CPSF3: variants seen among roughly 807,000 people sequenced by gnomAD.
CPSF3 encodes cleavage and polyadenylation specificity factor subunit 3.
CPSF3 carries 57 observed loss-of-function variants against 84.1 expected under a neutral mutation model. That is an observed-to-expected ratio of 0.68 (90% CI 0.55 to 0.85). CPSF3 has a LOEUF of 0.85. Among genes scored for constraint, CPSF3 ranks in the 40% least tolerant of loss-of-function variants. The pLI is 0.00. For missense variants in CPSF3, 522 were observed against 838.8 expected, an observed-to-expected ratio of 0.62 and a Z score of 4.66; for synonymous variants, 275 against 278.1, an observed-to-expected ratio of 0.99 and a Z score of 0.11.
chr2:9,455,098 G>T (rs1681476610), intron 12 of CPSF3, among the ~76,000 whole-genome samples: 1 of 151,770 alleles, frequency 6.6e-6, no homozygotes, highest in Non-Finnish European at 1.5e-5. Context: ...CAGCTCTGTG[G>T]CATCCAAGAA....
chr2:9,428,154 G>A (rs1477579246), intron 1 of CPSF3, among the ~76,000 whole-genome samples: 1 of 151,274 alleles, frequency 6.6e-6, no homozygotes, highest in Non-Finnish European at 1.5e-5. Context: ...CCGCCACCAC[G>A]CCTGGCTAAT....
Position 9,472,975 on chromosome 2 carries a change from G to C in CPSF3, c.2013G>C (p.Leu671=), listed in dbSNP as rs759646123. 1.2e-6 allele frequency: 2 copies of C among 1,613,970 alleles called. No homozygotes were observed. The highest frequency in any genetic ancestry group is 1.1e-5 in the South Asian group (1 of 91,062). The stretch of plus-strand genomic sequence containing the variant: ...AATCCCTCCGAGAAATGGTGGAGCT[G>C]GCTGCACAGAGACTGTACGAGGCCC... ...DDESLREMVE[L]AAQRLYEALT... is the part of the protein sequence containing the mutation. Residue 671 remains leucine, a synonymous_variant, in exon 18 of 18, where the codon CTG becomes CTC. Transcript: ENST00000238112.
chr2:9,459,257 T>C (rs534998658), intron 14 of CPSF3, among the ~76,000 whole-genome samples: 1 of 152,214 alleles, frequency 6.6e-6, no homozygotes, highest in Non-Finnish European at 1.5e-5. Flanking sequence ...TTTTATAAAA[T>C]GAAATTAATC....
At chr2:9,431,531 T>TG (rs202064001) in intron 4 of CPSF3, among the ~76,000 whole-genome samples, 1 of 104,834 alleles carries the variant, frequency 9.5e-6, no homozygotes, top group Non-Finnish European at 1.9e-5. Context: ...ATATACATAT[T>TG]TTTTTTTTCT....
In CPSF3 at chr2:9,443,728, C is replaced by T. The variant is rs149286169; in HGVS notation, c.1242+67C>T. 966 of 1,549,358 alleles carry T rather than the reference C, an allele frequency of 6.2e-4. 4 individuals carry two copies. In the African/African-American group the frequency reaches 0.012, roughly 19 times the overall value. On this transcript the variant is annotated intron_variant, in intron 10 of 17. Coordinates refer to ENST00000238112, the MANE Select transcript of CPSF3 (RefSeq NM_016207.4). Reference sequence around the variant, plus strand: ...AGTGCATACCCAGGAAACTGTGCAGCAGGCAGTTCACAAAGCAGGCATCAT... The same window carrying T: ...AGTGCATACCCAGGAAACTGTGCAGTAGGCAGTTCACAAAGCAGGCATCAT...
chr2:9,448,260 T>A lies in CPSF3; in HGVS notation c.1305T>A (p.Tyr435Ter). The A allele has an allele frequency of 6.2e-7, 1 of 1,612,492 alleles. No individual in the cohort carries two copies. The highest frequency in any genetic ancestry group is 8.5e-7 in the Non-Finnish European group (1 of 1,178,654). ...ARLKAALIRE[Y>*]EDNDEVHIEV... ...TGAAAGCAGCACTGATTCGAGAATATGAAGATAACGATGAAGTTCACATAG... is the reference window on the plus strand; with the variant it reads ...TGAAAGCAGCACTGATTCGAGAATAAGAAGATAACGATGAAGTTCACATAG... The change falls in exon 11 of 18, where the codon TAT becomes TAA. Residue 435 changes from tyrosine (Y) to a stop codon, truncating the protein, a stop_gained. Coordinates refer to ENST00000238112, the MANE Select transcript of CPSF3 (RefSeq NM_016207.4). LOFTEE classifies it high-confidence loss of function.
At chr2:9,430,469 G>A (rs1680547976) in intron 3 of CPSF3, among the ~76,000 whole-genome samples, 1 of 152,206 alleles carries the variant, frequency 6.6e-6, no homozygotes, top group South Asian at 2.1e-4. Context: ...AATGTTTGCT[G>A]TAATTCTGGC....
rs764859008 is a variant in CPSF3 at position 9,429,943 on chromosome 2, T to C, written c.135T>C (p.Pro45=). ...RKIMLDCGIH[P]GLEGMDALPY... is the part of the protein sequence containing the mutation. ...TTCAGCTCGACTGTGGGATCCACCC[T>C]GGCCTAGAAGGAATGGATGCTCTTC... The change falls in exon 3 of 18, where the codon CCT becomes CCC. Residue 45 remains proline, a synonymous_variant. Coordinates refer to ENST00000238112, the MANE Select transcript of CPSF3 (RefSeq NM_016207.4). 2.4e-5 allele frequency: 39 copies of C among 1,600,808 alleles called. No homozygotes were observed. The Middle Eastern group carries it at 9.9e-4, about 41-fold the overall frequency.
intron 7 of CPSF3, among the ~76,000 whole-genome samples, chr2:9,436,774 A>AAAAAAAAAAAAAAATAATAATAAT (rs139337028): frequency 7.0e-6 from 1 of 143,000 alleles, no homozygotes; most frequent in African/African-American, 2.6e-5. Context: ...CCATCTCAAA[A>AAAAAAAAAAAAAAATAATAATAAT]AATAATAATA....
chr2:9,456,393 A>C (rs1681527844), intron 13 of CPSF3, among the ~76,000 whole-genome samples: 1 of 152,256 alleles, frequency 6.6e-6, no homozygotes, highest in Non-Finnish European at 1.5e-5. Context: ...AAGTACCACC[A>C]TAAAATAAAC....
chr2:9,443,512 C>T lies in CPSF3; in HGVS notation c.1096-3C>T. ...TTTTGTTATTTTTCTTTATTTTCCA[C>T]AGCACATCATGTCTGAACCTGAAGA... On this transcript the variant is annotated splice_polypyrimidine_tract_variant and splice_region_variant and intron_variant, in intron 9 of 17. Transcript: ENST00000238112. 3 of 1,604,526 alleles carry T rather than the reference C, an allele frequency of 1.9e-6. No homozygotes were observed. The highest frequency in any genetic ancestry group is 2.6e-6 in the Non-Finnish European group (3 of 1,174,068).
At chr2:9,450,807 A>G (rs1238857426) in intron 11 of CPSF3, among the ~76,000 whole-genome samples, 1 of 152,172 alleles carries the variant, frequency 6.6e-6, no homozygotes, top group Admixed American at 6.5e-5. Context: ...ACTTTACGAC[A>G]CACTTTTAAT....
At chr2:9,445,365 G>A (rs1477087431) in intron 10 of CPSF3, among the ~76,000 whole-genome samples, 1 of 152,184 alleles carries the variant, frequency 6.6e-6, no homozygotes, top group African/African-American at 2.4e-5. Context: ...CCTGTGGGTG[G>A]ACACTCGGGT....
rs145126681 is a variant in CPSF3 at position 9,472,798 on chromosome 2, G to A, written c.1954-118G>A. ...CTCTTATCTGGGACCACAGGCACAC[G>A]CCACCACAGCTGGCTAATTTTTTAT... On this transcript the variant is annotated intron_variant, in intron 17 of 17. Coordinates refer to ENST00000238112, the MANE Select transcript of CPSF3 (RefSeq NM_016207.4). 433 of 747,008 alleles carry A rather than the reference G, an allele frequency of 5.8e-4. 1 individual carries two copies. The African/African-American group carries it at 6.2e-3, about 11-fold the overall frequency. The allele number at this position is 747,008 out of a possible 1,614,324, so 46.3% of individuals were successfully genotyped here.
At chr2:9,452,130 ACCAGCCTGG>A (rs1681354247) in intron 11 of CPSF3, among the ~76,000 whole-genome samples, 1 of 152,006 alleles carries the variant, frequency 6.6e-6, no homozygotes, top group African/African-American at 2.4e-5. Context: ...GGAGTTCAAG[ACCAGCCTGG>A]CCAATGTGGT....
chr2:9,433,562 T>G (rs1425175773), intron 5 of CPSF3, among the ~76,000 whole-genome samples: 2 of 152,226 alleles, frequency 1.3e-5, no homozygotes, highest in Non-Finnish European at 2.9e-5. Flanking sequence ...CTCCTTTCCT[T>G]GTCTGCATGC....
rs1163946078 is a variant in CPSF3 at position 9,455,764 on chromosome 2, G to A, written c.1603+7G>A. 3 of 1,583,790 alleles carry A rather than the reference G, an allele frequency of 1.9e-6. No homozygotes were observed. Among genetic ancestry groups the A allele is most frequent in the African/African-American group, 1.3e-5 (1 of 74,150 alleles). On this transcript the variant is annotated splice_region_variant and intron_variant, in intron 13 of 17. Transcript: ENST00000238112. ...CAGCTGCAGAAATTGACAGGTGTGT[G>A]TGTGTACTGAAATTCATTTCATTGT... is the stretch of plus-strand genomic sequence containing the variant.
intron 12 of CPSF3, 30 bp from the exon 13 acceptor site, chr2:9,455,629 T>TGTAGGA (rs1681499565): frequency 6.7e-7 from 1 of 1,490,380 alleles, no homozygotes; most frequent in Non-Finnish European, 9.3e-7. Context: ...GACTAGTATT[T>TGTAGGA]CTTCAAGTCT....
chr2:9,467,575 C>A, intron 15 of CPSF3, 132 bp from the exon 16 acceptor site: 1 of 539,176 alleles, frequency 1.9e-6, no homozygotes, highest in East Asian at 3.1e-5. Context: ...ATACAAATCC[C>A]TGCTTGTCAC....
Sources: gnomAD v4.1 joint callset for allele counts (sites outside exome capture counted in the v4.1 genomes callset) on GRCh38, gnomAD v4.1.1 for gene constraint, MANE v1.5 for transcripts, NCBI Gene and HGNC (gene_info 2026-07-23, HGNC 2026-07-21) for gene names.